Variants in PITPNC1 observed in about 807,000 individuals in gnomAD.
PITPNC1 encodes the protein cytoplasmic phosphatidylinositol transfer protein 1.
In PITPNC1, 18 loss-of-function variants were observed where a neutral mutation model predicts 44.7. That is an observed-to-expected ratio of 0.40 (90% CI 0.28 to 0.60). PITPNC1 has a LOEUF of 0.60. PITPNC1 is among the 20% of genes least tolerant of loss of function. The probability of loss-of-function intolerance (pLI) is 0.39; values close to 1 mark genes in which losing one functional copy is unlikely to be tolerated. For missense variants in PITPNC1, 290 were observed against 418.4 expected (o/e 0.69, Z 2.68); for synonymous variants, 141 against 149.6 (o/e 0.94, Z 0.42).
chr17:67,594,462 T>C (rs1193288019), intron 5 of PITPNC1, among the ~76,000 whole-genome samples: 1 of 152,002 alleles, frequency 6.6e-6, no homozygotes, highest in Non-Finnish European at 1.5e-5. Flanking sequence ...TCCTCAGACA[T>C]GAGTTGATAA....
At chr17:67,515,387 G>C (rs1568022420) in intron 1 of PITPNC1, among the ~76,000 whole-genome samples, 1 of 152,192 alleles carries the variant, frequency 6.6e-6, no homozygotes, top group Non-Finnish European at 1.5e-5. Context: ...TTTGTGGTCT[G>C]CCTTGTGGAC....
intron 1 of PITPNC1, among the ~76,000 whole-genome samples, chr17:67,425,250 C>CAG (rs1567984864): frequency 8.5e-6 from 1 of 117,774 alleles, no homozygotes; most frequent in African/African-American, 3.5e-5. Context: ...CACACACACA[C>CAG]ACACACACAC....
At chr17:67,605,454 C>T (rs2144281723) in intron 5 of PITPNC1, among the ~76,000 whole-genome samples, 1 of 152,308 alleles carries the variant, frequency 6.6e-6, no homozygotes, top group East Asian at 1.9e-4. Context: ...CGGCCTGTGG[C>T]GAGTCCTCCC....
At chr17:67,567,301 T>G (rs979921894) in intron 4 of PITPNC1, among the ~76,000 whole-genome samples, 2 of 151,842 alleles carry the variant, frequency 1.3e-5, no homozygotes, top group Non-Finnish European at 2.9e-5. Context: ...CTGGCTAACA[T>G]GGTAAACCCC....
intron 5 of PITPNC1, among the ~76,000 whole-genome samples, chr17:67,618,295 G>A (rs565623827): frequency 1.4e-5 from 2 of 138,524 alleles, no homozygotes; most frequent in African/African-American, 5.3e-5. Flanking sequence ...AGCCTGGGAG[G>A]CAGAGGTTGC....
At chr17:67,401,024 TC>T (rs749145961) in intron 1 of PITPNC1, among the ~76,000 whole-genome samples, 150 of 152,122 alleles carry the variant, frequency 9.9e-4, no homozygotes, top group Admixed American at 3.1e-3. Flanking sequence ...AACCTCCACC[TC>T]CCGGGTTCAG....
chr17:67,625,612 GCTCT>G (rs1227799719), intron 5 of PITPNC1, among the ~76,000 whole-genome samples: 5 of 152,254 alleles, frequency 3.3e-5, no homozygotes, highest in Admixed American at 1.3e-4. Context: ...CCTTGTCCCT[GCTCT>G]CCAATTACAC....
chr17:67,435,356 G>A (rs2038923287), intron 1 of PITPNC1, among the ~76,000 whole-genome samples: 1 of 152,150 alleles, frequency 6.6e-6, no homozygotes, highest in Admixed American at 6.5e-5. Context: ...ACCCTCCGGG[G>A]CCATTGTAGG....
In PITPNC1 at chr17:67,585,618, C is replaced by T. The variant is rs186254769; in HGVS notation, c.366+7361C>T. Among the ~76,000 whole-genome samples, 498 of 152,150 alleles carry T rather than the reference C, an allele frequency of 3.3e-3. 6 individuals are homozygous for T. Among genetic ancestry groups the T allele is most frequent in the African/African-American group, 0.011 (477 of 41,504 alleles). On this transcript the variant is annotated intron_variant, in intron 5 of 8. Coordinates refer to ENST00000581322, the MANE Select transcript of PITPNC1 (RefSeq NM_012417.4). ...AAGAGTTCAAGACCAGCCTGAGCAA[C>T]GTGGCAAAACCCCATCTGTACATAA... is the stretch of plus-strand genomic sequence containing the variant.
At chr17:67,675,327 G>A (rs908679800) in intron 7 of PITPNC1, among the ~76,000 whole-genome samples, 152 bp from the exon 8 acceptor site, 1 of 152,148 alleles carries the variant, frequency 6.6e-6, no homozygotes, top group Non-Finnish European at 1.5e-5. Flanking sequence ...AGCACTATAG[G>A]ACCTATAGGC....
chr17:67,686,333 G>A (rs937613444), intron 8 of PITPNC1, among the ~76,000 whole-genome samples: 2 of 150,170 alleles, frequency 1.3e-5, no homozygotes, highest in African/African-American at 2.5e-5. Context: ...ATTGTCCCCC[G>A]TTGAGAACCA....
intron 1 of PITPNC1, among the ~76,000 whole-genome samples, chr17:67,517,919 T>G (rs1180955620): frequency 6.6e-6 from 1 of 152,228 alleles, no homozygotes; most frequent in African/African-American, 2.4e-5. Context: ...TATGCTCAAC[T>G]ACAGAGCTTA....
At chr17:67,555,309 T>C (rs72848170) in intron 4 of PITPNC1, among the ~76,000 whole-genome samples, 1 of 152,316 alleles carries the variant, frequency 6.6e-6, no homozygotes, top group Non-Finnish European at 1.5e-5. Flanking sequence ...TTGTGAGTCA[T>C]ATAGTCTCTG....
At chr17:67,651,191 G>C (rs1449259034) in intron 6 of PITPNC1, among the ~76,000 whole-genome samples, 1 of 152,060 alleles carries the variant, frequency 6.6e-6, no homozygotes, top group Non-Finnish European at 1.5e-5. Context: ...CATTCTGAAA[G>C]CTCCTTAGTT....
Position 67,378,009 on chromosome 17 carries a change from G to A in PITPNC1, c.-146G>A. The A allele has an allele frequency of 6.5e-6, 3 of 463,116 alleles. No individual in the cohort carries two copies. Among genetic ancestry groups the A allele is most frequent in the East Asian group, 7.5e-5 (2 of 26,806 alleles). 28.7% of individuals were successfully genotyped at this position (463,116 alleles called of 1,614,324 possible). Reference sequence around the variant, plus strand: ...CTCTGGGGCGGAGAGGAGGAAGCCAGGAGCTGAGCGCGCCGCGGGGGCTGC... The same window carrying A: ...CTCTGGGGCGGAGAGGAGGAAGCCAAGAGCTGAGCGCGCCGCGGGGGCTGC... On this transcript the variant is annotated 5_prime_UTR_variant, in exon 1 of 9. Coordinates refer to ENST00000581322, the MANE Select transcript of PITPNC1 (RefSeq NM_012417.4).
At chr17:67,549,955 C>T (rs2040736816) in intron 2 of PITPNC1, among the ~76,000 whole-genome samples, 1 of 152,120 alleles carries the variant, frequency 6.6e-6, no homozygotes, top group Non-Finnish European at 1.5e-5. Context: ...GCATATTGCG[C>T]TAGGGTGTGG....
At chr17:67,536,842 A>C (rs988316649) in intron 2 of PITPNC1, among the ~76,000 whole-genome samples, 1 of 152,176 alleles carries the variant, frequency 6.6e-6, no homozygotes, top group East Asian at 1.9e-4. Flanking sequence ...GGAGCTATCT[A>C]TGCTATTCAA....
intron 1 of PITPNC1, among the ~76,000 whole-genome samples, chr17:67,481,228 C>A (rs1219802131): frequency 1.3e-5 from 2 of 152,180 alleles, no homozygotes; most frequent in African/African-American, 4.8e-5. Context: ...TTCTAAAGAG[C>A]CAAGTCTGGG....
chr17:67,395,220 C>G (rs2038200145), intron 1 of PITPNC1, among the ~76,000 whole-genome samples: 1 of 151,228 alleles, frequency 6.6e-6, no homozygotes, highest in Non-Finnish European at 1.5e-5. Flanking sequence ...CAGGCACCAT[C>G]ATGACTCATT....
Sources: allele counts gnomAD v4.1 joint callset (sites outside exome capture counted in the v4.1 genomes callset), GRCh38; gene constraint gnomAD v4.1.1; transcripts MANE v1.5; gene names NCBI Gene and HGNC (gene_info 2026-07-23, HGNC 2026-07-21).